The following TUBB8 variants were observed in gnomAD, a reference collection of about 807,000 sequenced individuals.
The protein encoded by TUBB8 is tubulin beta 8 class VIII.
TUBB8 carries 25 observed loss-of-function variants against 33.7 expected under a neutral mutation model. That is an observed-to-expected ratio of 0.74 (90% CI 0.54 to 1.04). TUBB8 has a LOEUF of 1.04. TUBB8 is among the 50% of genes least tolerant of loss of function. TUBB8 has a pLI of 0.00. For missense variants in TUBB8, 279 were observed against 608.0 expected, an observed-to-expected ratio of 0.46 and a Z score of 5.69; for synonymous variants, 245 against 240.1, an observed-to-expected ratio of 1.02 and a Z score of -0.19.
intron 1 of TUBB8, among the ~76,000 whole-genome samples, chr10:60,035 A>G (rs1375830058): frequency 4.6e-4 from 70 of 152,052 alleles, no homozygotes; most frequent in Non-Finnish European, 3.4e-4. Flanking sequence ...CTGTCTAAAT[A>G]TTTGTCAATT....
chr10:51,967 G>A (rs1588274716), upstream of TUBB8, among the ~76,000 whole-genome samples: 3 of 152,298 alleles, frequency 2.0e-5, no homozygotes, highest in South Asian at 6.2e-4. Context: ...AAACGGAGGC[G>A]GTGAGCAGAA....
chr10:51,867 C>A (rs1286151223), upstream of TUBB8, among the ~76,000 whole-genome samples: 1 of 152,182 alleles, frequency 6.6e-6, no homozygotes, highest in Non-Finnish European at 1.5e-5. Context: ...AGCTCTAAGA[C>A]ATCAAGGCTA....
rs1383083083 is a variant in TUBB8, at chr10:61,235, AAAAT to A, written c.-845-11006_-845-11003del. Reference sequence around the variant, plus strand: ...AAACTTAAAGTATAATAATAAAAGAAAAATAAATAAAGAAATTTTCCTTTCATAA... The same window carrying A: ...AAACTTAAAGTATAATAATAAAAGAAAAATAAAGAAATTTTCCTTTCATAA... On this transcript the variant is annotated intron_variant, in intron 1 of 3. Transcript: ENST00000564130. Among the ~76,000 whole-genome samples the A allele has an allele frequency of 2.2e-4, 33 of 152,338 alleles. 1 individual carries two copies. Among genetic ancestry groups the A allele is most frequent in the East Asian group, 3.9e-4 (2 of 5,190 alleles).
intron 1 of TUBB8, 53 bp from the exon 2 acceptor site, chr10:48,965 C>A (rs2131813513): frequency 2.2e-6 from 3 of 1,359,284 alleles, no homozygotes; most frequent in South Asian, 2.5e-5. Context: ...GGGAGGCGCC[C>A]CAGCCGCTCT....
intron 1 of TUBB8, among the ~76,000 whole-genome samples, chr10:73,351 G>C (rs1482186619): frequency 1.3e-5 from 2 of 152,146 alleles, no homozygotes; most frequent in Non-Finnish European, 2.9e-5. Context: ...CTGAAAACAC[G>C]GAGCACTGAC....
At chr10:65,237 C>T (rs1173042271) in intron 1 of TUBB8, among the ~76,000 whole-genome samples, 1 of 152,240 alleles carries the variant, frequency 6.6e-6, no homozygotes, top group Non-Finnish European at 1.5e-5. Flanking sequence ...CCTCATCATA[C>T]TCTTCCCCGC....
In TUBB8 at chr10:47,270, G is replaced by T. The variant is rs1267257742; in HGVS notation, c.1122C>A (p.Ile374=). Residue 374 remains isoleucine (I), a synonymous_variant, in exon 4 of 4, where the codon ATC becomes ATA. Coordinates refer to ENST00000568584, the MANE Select transcript of TUBB8 (RefSeq NM_177987.3). ...SATFIGNNTA[I]QELFKRVSEQ... ...CTGAGACACGCTTGAAGAGTTCCTG[G>T]ATGGCCGTATTATTCCCAATGAAGG... is the stretch of plus-strand genomic sequence containing the variant. The T allele has an allele frequency of 6.2e-7, 1 of 1,613,682 alleles. No individual in the cohort carries two copies. Among genetic ancestry groups the T allele is most frequent in the Non-Finnish European group, 8.5e-7 (1 of 1,180,016 alleles).
At chr10:71,314 CA>C (rs1378930097) in intron 1 of TUBB8, among the ~76,000 whole-genome samples, 2 of 146,802 alleles carry the variant, frequency 1.4e-5, no homozygotes, top group African/African-American at 2.5e-5. Flanking sequence ...GACTGCATCT[CA>C]AAAAAAAAGA....
chr10:49,648 GTCT>G, upstream of TUBB8: 1 of 463,620 alleles, frequency 2.2e-6, no homozygotes. Context: ...TAATTGATGA[GTCT>G]TTTCATCTAT....
chr10:49,722 G>A (rs35849539), upstream of TUBB8: 1 of 379,292 alleles, frequency 2.6e-6, no homozygotes, highest in Non-Finnish European at 5.2e-6. Flanking sequence ...TCAATTATAC[G>A]TTTTACTTTG....
chr10:56,201 T>C (rs1201850280), intron 1 of TUBB8, among the ~76,000 whole-genome samples: 3 of 152,270 alleles, frequency 2.0e-5, no homozygotes, highest in African/African-American at 7.2e-5. Context: ...TTTATTTCTT[T>C]GGTAAATTCC....
intron 1 of TUBB8, among the ~76,000 whole-genome samples, chr10:66,321 C>T (rs569818286): frequency 6.6e-6 from 1 of 152,346 alleles, no homozygotes; most frequent in South Asian, 2.1e-4. Context: ...TATTTCCAGA[C>T]ACCAGCAACA....
chr10:59,206 T>A (rs1163590325), intron 1 of TUBB8, among the ~76,000 whole-genome samples: 1 of 152,230 alleles, frequency 6.6e-6, no homozygotes, highest in Non-Finnish European at 1.5e-5. Context: ...TTCTTTTTTT[T>A]GAGATGAAGT....
At position 69,587 on chromosome 10, in the gene TUBB8, G is replaced by GT. The variant is rs782313357; in HGVS notation, c.-846+4381dup. 3.9e-4 allele frequency among the ~76,000 whole-genome samples: 59 copies of GT among 152,296 alleles called. No individual in the cohort carries two copies. In the East Asian group the frequency reaches 0.011, roughly 28 times the overall value. On this transcript the variant is annotated intron_variant, in intron 1 of 3. Transcript: ENST00000564130. ...TAGGAAAGAAAAACGAAATCTCAGTGTTGAACGAAAGGCAAATGGCGTAAC... is the reference window on the plus strand; with the variant it reads ...TAGGAAAGAAAAACGAAATCTCAGTGTTTGAACGAAAGGCAAATGGCGTAAC...
At chr10:49,468 T>A (rs185781943), upstream of TUBB8, 282 of 671,674 alleles carry the variant, frequency 4.2e-4, 1 homozygote, top group African/African-American at 5.3e-3. Context: ...CGTGGTCCTT[T>A]CCACGTTGGG....
chr10:47,549 G>A lies in TUBB8; in HGVS notation c.843C>T (p.Tyr281=), dbSNP rs200311430. The change falls in exon 4 of 4, where the codon TAC becomes TAT. Residue 281 remains tyrosine, a synonymous_variant. Transcript: ENST00000568584. ...APLTSRGSQQ[Y]RALTVAELTQ... ...TAAGCTCAGCCACAGTCAAGGCCCG[G>A]TACTGCTGGCTGCCCCGGCTGGTCA... The A allele has an allele frequency of 1.9e-6, 3 of 1,571,948 alleles. No homozygotes were observed. Among genetic ancestry groups the A allele is most frequent in the Non-Finnish European group, 2.6e-6 (3 of 1,150,546 alleles).
In TUBB8 at chr10:48,814, G is replaced by C. The variant is rs782209980; in HGVS notation, c.156C>G (p.Asn52Lys). ...LQLERINVYY[N>K]EASGGRYVPR... The stretch of plus-strand genomic sequence containing the variant: ...GGACGGGGGTCTCACCGCTGGCCTC[G>C]TTGTAGTACACGTTGATGCGCTCCA... The change falls in exon 2 of 4, where the codon AAC (asparagine) becomes AAG (lysine). Residue 52 changes from asparagine to lysine, a missense_variant. Physicochemically the swap from Asn to Lys is moderately conservative, Grantham distance 94. This residue lies in a region of TUBB8 where 56 missense variants were observed against 77.9 expected (regional missense o/e 0.72). Coordinates refer to ENST00000568584, the MANE Select transcript of TUBB8 (RefSeq NM_177987.3). 2.5e-6 allele frequency: 4 copies of C among 1,610,760 alleles called. No homozygotes were observed. Among genetic ancestry groups the C allele is most frequent in the Non-Finnish European group, 2.5e-6 (3 of 1,179,100 alleles).
In TUBB8 at chr10:48,021, GCCTCC is replaced by G. The variant is rs1564204400; in HGVS notation, c.366_370del (p.Lys122AsnfsTer2). The G allele has an allele frequency of 1.2e-6, 2 of 1,613,954 alleles. No individual in the cohort carries two copies. ...ACCCTGCAGGCAGTCACAGCTCTCA[GCCTCC>G]TTTCTGACAACGTCCATCACTGACT... On this transcript the variant is annotated frameshift_variant, in exon 4 of 4. Transcript: ENST00000568584. LOFTEE classifies it high-confidence loss of function.
chr10:60,641 G>C (rs1270886792), intron 1 of TUBB8, among the ~76,000 whole-genome samples: 1 of 152,196 alleles, frequency 6.6e-6, no homozygotes, highest in Non-Finnish European at 1.5e-5. Flanking sequence ...CTGTCAACTA[G>C]TTCAACCATT....
Sources: allele counts gnomAD v4.1 joint callset (sites outside exome capture counted in the v4.1 genomes callset), GRCh38; gene constraint gnomAD v4.1.1; regional missense constraint gnomAD v4.1.1; transcripts MANE v1.5; gene names NCBI Gene and HGNC (gene_info 2026-07-23, HGNC 2026-07-21).